The following AQP8 variants were observed in gnomAD, a reference collection of about 807,000 sequenced individuals.
AQP8 encodes the protein aquaporin 8.
In AQP8, 14 loss-of-function variants were observed where a neutral mutation model predicts 26.1. The ratio of observed to expected loss-of-function variants is 0.54; its 90% CI spans 0.35 to 0.84. AQP8 has a LOEUF of 0.84. Among genes scored for constraint, AQP8 ranks in the 40% least tolerant of loss-of-function variants. AQP8 has a pLI of 0.01. For synonymous variants in AQP8, 131 were observed against 150.7 expected (o/e 0.87, Z 0.96); for missense variants, 301 against 340.5 (o/e 0.88, Z 0.91).
intron 4 of AQP8, 78 bp from the exon 5 acceptor site, chr16:25,226,990 C>T (rs1962643342): frequency 1.9e-6 from 3 of 1,601,732 alleles, no homozygotes; most frequent in South Asian, 1.1e-5. Context: ...TGTGACTAGG[C>T]CTAGTTGGGG....
chr16:25,224,798 A>C (rs1962610454), intron 4 of AQP8, among the ~76,000 whole-genome samples: 1 of 152,214 alleles, frequency 6.6e-6, no homozygotes, highest in African/African-American at 2.4e-5. Flanking sequence ...TGCTGGGTAC[A>C]TGGGTCTGGG....
chr16:25,228,326 A>G (rs987890442), intron 5 of AQP8, 118 bp from the exon 6 acceptor site: 5 of 869,308 alleles, frequency 5.8e-6, no homozygotes, highest in Non-Finnish European at 9.5e-6. Context: ...GGATCTGGCT[A>G]TTAAGGCTGG....
At chr16:25,228,198 T>A (rs1962660397) in intron 5 of AQP8, among the ~76,000 whole-genome samples, 1 of 150,044 alleles carries the variant, frequency 6.7e-6, no homozygotes, top group Non-Finnish European at 1.5e-5. Context: ...ACCCAGGAGG[T>A]GGAAGCTGCA....
Position 25,217,013 on chromosome 16 carries a change from G to A in AQP8, c.-33G>A. 1 of 1,613,796 alleles carries A rather than the reference G, an allele frequency of 6.2e-7. No homozygotes were observed. Among genetic ancestry groups the A allele is most frequent in the Non-Finnish European group, 8.5e-7 (1 of 1,180,026 alleles). ...AGGTGCAGGTTTCCCAGCAGCTCAGGCAAGAGTCCGATGTTTGTGCCATCT... is the reference window on the plus strand; with the variant it reads ...AGGTGCAGGTTTCCCAGCAGCTCAGACAAGAGTCCGATGTTTGTGCCATCT... On this transcript the variant is annotated 5_prime_UTR_variant, in exon 1 of 6. Coordinates refer to ENST00000219660, the MANE Select transcript of AQP8 (RefSeq NM_001169.3).
intron 2 of AQP8, among the ~76,000 whole-genome samples, chr16:25,220,695 G>C (rs1167420866): frequency 6.6e-6 from 1 of 152,140 alleles, no homozygotes; most frequent in African/African-American, 2.4e-5. Context: ...CACAAGTAGG[G>C]TTTTCACTGG....
chr16:25,224,135 A>G (rs947444837), intron 3 of AQP8, among the ~76,000 whole-genome samples: 2 of 152,084 alleles, frequency 1.3e-5, no homozygotes, highest in African/African-American at 4.8e-5. Flanking sequence ...CCCCATTACT[A>G]TTTTTCAGCT....
At chr16:25,224,277 G>T in intron 3 of AQP8, 85 bp from the exon 4 acceptor site, 1 of 1,273,794 alleles carries the variant, frequency 7.9e-7, no homozygotes. Flanking sequence ...CTTAAGGTGG[G>T]TAGCATGCGT....
chr16:25,219,014 C>T (rs1962523296), intron 2 of AQP8, among the ~76,000 whole-genome samples: 1 of 151,654 alleles, frequency 6.6e-6, no homozygotes. Context: ...ACCTTTATCA[C>T]TTCTTAGCAG....
At chr16:25,225,882 C>G (rs921402855) in intron 4 of AQP8, among the ~76,000 whole-genome samples, 1 of 152,128 alleles carries the variant, frequency 6.6e-6, no homozygotes, top group Non-Finnish European at 1.5e-5. Context: ...AGGGCCTCAT[C>G]TGGACCAGCT....
chr16:25,225,197 TG>T (rs1962614829), intron 4 of AQP8, among the ~76,000 whole-genome samples: 1 of 152,230 alleles, frequency 6.6e-6, no homozygotes, highest in Non-Finnish European at 1.5e-5. Flanking sequence ...TTGCCCAGGC[TG>T]GTCTTGAACT....
At chr16:25,217,676 G>A (rs555906307) in intron 2 of AQP8, among the ~76,000 whole-genome samples, 80 of 152,294 alleles carry the variant, frequency 5.3e-4, no homozygotes, top group African/African-American at 1.7e-3. Context: ...ACAGGCATGC[G>A]CCGCAGCACC....
rs931819430 is a variant in AQP8, at chr16:25,221,389, A to G, written c.261-68A>G. ...CAGCCTGGTGGGTTGGCTGGGACAC[A>G]CTGTCTCAAGTGCCAGCCATGTGGT... On this transcript the variant is annotated intron_variant, in intron 2 of 5. Coordinates refer to ENST00000219660, the MANE Select transcript of AQP8 (RefSeq NM_001169.3). 5.7e-6 allele frequency: 9 copies of G among 1,581,282 alleles called. No homozygotes were observed. In the African/African-American group the frequency reaches 6.7e-5, roughly 12 times the overall value.
intron 5 of AQP8, 52 bp from the exon 6 acceptor site, chr16:25,228,392 G>T: frequency 6.3e-7 from 1 of 1,585,952 alleles, no homozygotes; most frequent in Admixed American, 1.7e-5. Flanking sequence ...CATGACGAAG[G>T]GCTGGGTCTC....
chr16:25,224,415 A>T lies in AQP8; in HGVS notation c.441A>T (p.Thr147=). ...ATGCATCTGGGGCGGCCTTTGTGAC[A>T]GTCCAGGAGCAGGGGCAGGTGGCAG... ...FWNASGAAFV[T]VQEQGQVAGA... Residue 147 remains threonine, a synonymous_variant, in exon 4 of 6, where the codon ACA becomes ACT. Coordinates refer to ENST00000219660, the MANE Select transcript of AQP8 (RefSeq NM_001169.3). The T allele has an allele frequency of 6.2e-7, 1 of 1,614,134 alleles. No homozygotes were observed. The highest frequency in any genetic ancestry group is 8.5e-7 in the Non-Finnish European group (1 of 1,180,024).
intron 3 of AQP8, 39 bp from the exon 4 acceptor site, chr16:25,224,319 GTCTC>G: frequency 1.3e-6 from 2 of 1,564,154 alleles, no homozygotes; most frequent in Non-Finnish European, 1.7e-6. Flanking sequence ...GTTTCCAGCT[GTCTC>G]TCTGCCCCAC....
chr16:25,224,448 G>A lies in AQP8; in HGVS notation c.474G>A (p.Leu158=). 6.2e-7 allele frequency: 1 copy of A among 1,614,212 alleles called. No homozygotes were observed. Among genetic ancestry groups the A allele is most frequent in the Non-Finnish European group, 8.5e-7 (1 of 1,180,024 alleles). ...VQEQGQVAGA[L]VAEIILTTLL... is the part of the protein sequence containing the mutation. ...AGCAGGGGCAGGTGGCAGGGGCGTT[G>A]GTGGCAGAGATCATCCTGACGACGC... Residue 158 remains leucine, a synonymous_variant, in exon 4 of 6, where the codon TTG becomes TTA. Coordinates refer to ENST00000219660, the MANE Select transcript of AQP8 (RefSeq NM_001169.3).
At chr16:25,228,073 C>G (rs889043778) in intron 5 of AQP8, among the ~76,000 whole-genome samples, 9 of 151,520 alleles carry the variant, frequency 5.9e-5, no homozygotes, top group Non-Finnish European at 1.2e-4. Flanking sequence ...GGAGACCAGC[C>G]TGGCCAACAT....
intron 5 of AQP8, among the ~76,000 whole-genome samples, chr16:25,228,012 T>A (rs1210795340): frequency 6.7e-6 from 1 of 149,878 alleles, no homozygotes; most frequent in Non-Finnish European, 1.5e-5. Flanking sequence ...ACGCCTGTAA[T>A]CCCAGCAGTT....
At chr16:25,224,249 C>G (rs1314991963) in intron 3 of AQP8, 113 bp from the exon 4 acceptor site, 1 of 964,570 alleles carries the variant, frequency 1.0e-6, no homozygotes, top group African/African-American at 1.7e-5. Context: ...TGAAATTGGA[C>G]ATAACCCTTC....
Sources: gnomAD v4.1 joint callset for allele counts (sites outside exome capture counted in the v4.1 genomes callset) on GRCh38, gnomAD v4.1.1 for gene constraint, MANE v1.5 for transcripts, NCBI Gene and HGNC (gene_info 2026-07-23, HGNC 2026-07-21) for gene names.